The following TMEM88 variants were observed in gnomAD, a reference collection of about 807,000 sequenced individuals.
TMEM88 encodes the protein transmembrane protein 88.
A neutral mutation model predicts 10.0 loss-of-function variants in TMEM88; 8 were observed. The ratio of observed to expected loss-of-function variants is 0.80; its 90% CI spans 0.47 to 1.44. The LOEUF (loss-of-function observed/expected upper bound fraction) is 1.44, where lower values mean the gene tolerates loss of function less well. Among genes scored for constraint, TMEM88 ranks in the 40% most tolerant of loss-of-function variants. TMEM88 has a pLI of 0.00. For missense variants in TMEM88, 255 were observed against 217.8 expected, an observed-to-expected ratio of 1.17 and a Z score of -1.07; for synonymous variants, 139 against 104.9, an observed-to-expected ratio of 1.33 and a Z score of -1.99.
intron 1 of TMEM88, 27 bp from the exon 2 acceptor site, chr17:7,855,418 T>G (rs751978653): frequency 1.3e-6 from 2 of 1,599,382 alleles, no homozygotes; most frequent in South Asian, 2.2e-5. Context: ...CCTGGTCGGC[T>G]TGGGCCTGAC....
chr17:7,855,162 C>T lies in TMEM88; in HGVS notation c.88C>T (p.Leu30Phe). The part of the protein sequence containing the change: ...DPLDCWACAV[L>F]VTAQNLLVAA... ...CCTGGACTGTTGGGCCTGCGCTGTTCTTGTAACAGCCCAGAATCTGCTGGT... is the reference window on the plus strand; with the variant it reads ...CCTGGACTGTTGGGCCTGCGCTGTTTTTGTAACAGCCCAGAATCTGCTGGT... Residue 30 changes from leucine to phenylalanine, a missense_variant, in exon 1 of 2, where the codon CTT becomes TTT. Physicochemically the swap from Leu to Phe is conservative, Grantham distance 22 (BLOSUM62 0). Coordinates refer to ENST00000301599, the MANE Select transcript of TMEM88 (RefSeq NM_203411.2). The T allele has an allele frequency of 6.2e-7, 1 of 1,611,932 alleles. No homozygotes were observed. The highest frequency in any genetic ancestry group is 8.5e-7 in the Non-Finnish European group (1 of 1,179,486).
rs547882263 is a variant in TMEM88, at chr17:7,856,046, C to T, written c.*332C>T. On this transcript the variant is annotated 3_prime_UTR_variant, in exon 2 of 2. Transcript: ENST00000301599. ...CTCTAGTATTTCTGGGGCTGGGGGGCGGGGCTGGAGGGGAAGGAGTGTCCA... is the reference window on the plus strand; with the variant it reads ...CTCTAGTATTTCTGGGGCTGGGGGGTGGGGCTGGAGGGGAAGGAGTGTCCA... The T allele has an allele frequency of 2.8e-4, 253 of 917,176 alleles. No homozygotes were observed. In the African/African-American group the frequency reaches 3.9e-3, roughly 14 times the overall value. 56.8% of individuals were successfully genotyped at this position (917,176 alleles called of 1,614,324 possible).
In TMEM88 at chr17:7,855,096, C is replaced by T. The variant is rs1257209787; in HGVS notation, c.22C>T (p.Gln8Ter). Reference sequence around the variant, plus strand: ...GGCCATGGCGGATGTCCCCGGGGCACAGCGAGCGGTTCCTGGTGACGGCCC... The same window carrying T: ...GGCCATGGCGGATGTCCCCGGGGCATAGCGAGCGGTTCCTGGTGACGGCCC... MADVPGA[Q>*]RAVPGDGPEP... Residue 8 changes from glutamine (Q) to a stop codon, truncating the protein, a stop_gained, in exon 1 of 2, where the codon CAG becomes TAG. Transcript: ENST00000301599. LOFTEE classifies it high-confidence loss of function. 6.9e-6 allele frequency: 11 copies of T among 1,604,444 alleles called. No homozygotes were observed. Among genetic ancestry groups the T allele is most frequent in the Non-Finnish European group, 9.3e-6 (11 of 1,179,576 alleles).
Position 7,855,194 on chromosome 17 carries a change from C to T in TMEM88, c.120C>T (p.Ala40=). The part of the protein sequence containing the change: ...LVTAQNLLVA[A]FNLLLLVLVL... ...CAGCCCAGAATCTGCTGGTGGCTGC[C>T]TTCAATCTTCTCCTGCTGGTGCTGG... Residue 40 remains alanine, a synonymous_variant, in exon 1 of 2, where the codon GCC becomes GCT. Coordinates refer to ENST00000301599, the MANE Select transcript of TMEM88 (RefSeq NM_203411.2). 1.2e-6 allele frequency: 2 copies of T among 1,610,224 alleles called. No individual in the cohort carries two copies. The highest frequency in any genetic ancestry group is 1.7e-6 in the Non-Finnish European group (2 of 1,178,700).
chr17:7,855,895 A>G lies in TMEM88; in HGVS notation c.*181A>G. ...CTGAGAAAAGCCCCCACATCCCGGA[A>G]AACCCACTTTCCTTTCACGACCCAC... is the stretch of plus-strand genomic sequence containing the variant. On this transcript the variant is annotated 3_prime_UTR_variant, in exon 2 of 2. Coordinates refer to ENST00000301599, the MANE Select transcript of TMEM88 (RefSeq NM_203411.2). 7.2e-7 allele frequency: 1 copy of G among 1,389,738 alleles called. No individual in the cohort carries two copies. The highest frequency in any genetic ancestry group is 9.3e-7 in the Non-Finnish European group (1 of 1,075,152). The allele number at this position is 1,389,738 out of a possible 1,614,324, so 86.1% of individuals were successfully genotyped here. A position where few individuals can be genotyped will look rare whatever the true frequency, so the allele number is the denominator to read the frequency against.
chr17:7,855,392 C>G, intron 1 of TMEM88, 53 bp from the exon 2 acceptor site: 1 of 1,593,582 alleles, frequency 6.3e-7, no homozygotes, highest in Non-Finnish European at 8.5e-7. Context: ...CTGTTTCCAC[C>G]CCGTGCACAG....
At chr17:7,855,401 A>C in intron 1 of TMEM88, 44 bp from the exon 2 acceptor site, 1 of 1,595,418 alleles carries the variant, frequency 6.3e-7, no homozygotes, top group Non-Finnish European at 8.5e-7. Context: ...CCCCGTGCAC[A>C]GTATCGCCTG....
At position 7,855,199 on chromosome 17, in the gene TMEM88, A is replaced by G. The variant is rs1358385520; in HGVS notation, c.125A>G (p.Asn42Ser). The G allele has an allele frequency of 5.6e-6, 9 of 1,609,952 alleles. No homozygotes were observed. The highest frequency in any genetic ancestry group is 1.1e-5 in the South Asian group (1 of 90,162). The change falls in exon 1 of 2, where the codon AAT (asparagine) becomes AGT (serine). Residue 42 changes from asparagine (N) to serine (S), a missense_variant. Physicochemically the swap from Asn to Ser is conservative, Grantham distance 46. Transcript: ENST00000301599. ...TAQNLLVAAF[N>S]LLLLVLVLGT... ...CAGAATCTGCTGGTGGCTGCCTTCA[A>G]TCTTCTCCTGCTGGTGCTGGTGCTA...
At position 7,855,740 on chromosome 17, in the gene TMEM88, G is replaced by A; in HGVS notation, c.*26G>A. 1.3e-6 allele frequency: 2 copies of A among 1,496,754 alleles called. No homozygotes were observed. The highest frequency in any genetic ancestry group is 1.8e-6 in the Non-Finnish European group (2 of 1,120,384). 92.7% of individuals were successfully genotyped at this position (1,496,754 alleles called of 1,614,324 possible). ...TGACCCTCGAGTCAAGAACAACCCT[G>A]ACGGCTGCCCTCCCTCTTATTCGGC... On this transcript the variant is annotated 3_prime_UTR_variant, in exon 2 of 2. Coordinates refer to ENST00000301599, the MANE Select transcript of TMEM88 (RefSeq NM_203411.2).
At position 7,855,486 on chromosome 17, in the gene TMEM88, G is replaced by C. The variant is rs371960795; in HGVS notation, c.252G>C (p.Arg84=). 3 of 1,607,596 alleles carry C rather than the reference G, an allele frequency of 1.9e-6. No homozygotes were observed. The highest frequency in any genetic ancestry group is 2.5e-6 in the Non-Finnish European group (3 of 1,179,926). The change falls in exon 2 of 2, where the codon CGG becomes CGC. Residue 84 remains arginine (R), a synonymous_variant. Transcript: ENST00000301599. ...SQAPPCTAHL[R]DPGFTALLVT... ...CACCCCCTTGCACCGCGCACCTGCGGGACCCCGGTTTCACGGCCCTACTGG... is the reference window on the plus strand; with the variant it reads ...CACCCCCTTGCACCGCGCACCTGCGCGACCCCGGTTTCACGGCCCTACTGG...
chr17:7,855,518 G>A lies in TMEM88; in HGVS notation c.284G>A (p.Gly95Glu). 6.2e-7 allele frequency: 1 copy of A among 1,608,976 alleles called. No individual in the cohort carries two copies. The highest frequency in any genetic ancestry group is 8.5e-7 in the Non-Finnish European group (1 of 1,179,938). Residue 95 changes from glycine (G) to glutamate (E), a missense_variant, in exon 2 of 2, where the codon GGA (glycine) becomes GAA (glutamate). Gly to Glu is a moderately conservative substitution (Grantham distance 98). Coordinates refer to ENST00000301599, the MANE Select transcript of TMEM88 (RefSeq NM_203411.2). ...DPGFTALLVT[G>E]FLLLVPLLVL... ...GGTTTCACGGCCCTACTGGTCACCGGATTCCTGCTCCTCGTGCCGCTGCTC... is the reference window on the plus strand; with the variant it reads ...GGTTTCACGGCCCTACTGGTCACCGAATTCCTGCTCCTCGTGCCGCTGCTC...
rs2151382096 is a variant in TMEM88 at position 7,855,585 on chromosome 17, C to A, written c.351C>A (p.Leu117=). ...GCTACCGCCGCCTCTGCCTGCGCCT[C>A]CGCCTAGCCGATTGCCTCGTGCCCT... is the stretch of plus-strand genomic sequence containing the variant. The part of the protein sequence containing the change: ...LASYRRLCLR[L]RLADCLVPYS... The change falls in exon 2 of 2, where the codon CTC becomes CTA. Residue 117 remains leucine (L), a synonymous_variant. Transcript: ENST00000301599. 1 of 1,608,252 alleles carries A rather than the reference C, an allele frequency of 6.2e-7. No individual in the cohort carries two copies. The highest frequency in any genetic ancestry group is 2.2e-5 in the East Asian group (1 of 44,876).
At position 7,855,703 on chromosome 17, in the gene TMEM88, G is replaced by A; in HGVS notation, c.469G>A (p.Val157Ile). 2 of 1,572,508 alleles carry A rather than the reference G, an allele frequency of 1.3e-6. No individual in the cohort carries two copies. The highest frequency in any genetic ancestry group is 1.7e-6 in the Non-Finnish European group (2 of 1,157,610). The change falls in exon 2 of 2, where the codon GTC (valine) becomes ATC (isoleucine). Residue 157 changes from valine to isoleucine, a missense_variant. Coordinates refer to ENST00000301599, the MANE Select transcript of TMEM88 (RefSeq NM_203411.2). ...GSQAVPTSGK[V>I]WV is the part of the protein sequence containing the mutation. ...CCAGGCCGTTCCCACATCAGGAAAGGTCTGGGTCTAATGACCCTCGAGTCA... is the reference window on the plus strand; with the variant it reads ...CCAGGCCGTTCCCACATCAGGAAAGATCTGGGTCTAATGACCCTCGAGTCA...
At position 7,855,359 on chromosome 17, in the gene TMEM88, GCCA is replaced by G. The variant is rs572778104; in HGVS notation, c.210+77_210+79del. 225 of 1,590,260 alleles carry G rather than the reference GCCA, an allele frequency of 1.4e-4. 1 individual carries two copies. In the African/African-American group the frequency reaches 2.8e-3, roughly 20 times the overall value. ...GTGATGCTGGCGGTGGGGTCTATGG[GCCA>G]CAACTTCAACCCGCCTGGGCTGTTT... On this transcript the variant is annotated intron_variant, in intron 1 of 1. Transcript: ENST00000301599.
chr17:7,855,829 C>CT lies in TMEM88; in HGVS notation c.*116dup. On this transcript the variant is annotated 3_prime_UTR_variant, in exon 2 of 2. Transcript: ENST00000301599. ...CCCCCACCCCTGCCTGAGCGGAGTCCTAGCATCCCCTTGGGAGCAGCAGCG... is the reference window on the plus strand; with the variant it reads ...CCCCCACCCCTGCCTGAGCGGAGTCCTTAGCATCCCCTTGGGAGCAGCAGCG... The CT allele has an allele frequency of 7.0e-7, 1 of 1,427,968 alleles. No homozygotes were observed. The highest frequency in any genetic ancestry group is 9.1e-7 in the Non-Finnish European group (1 of 1,093,466). 88.5% of individuals were successfully genotyped at this position (1,427,968 alleles called of 1,614,324 possible). A position where few individuals can be genotyped will look rare whatever the true frequency, so the allele number is the denominator to read the frequency against.
chr17:7,855,502 G>A lies in TMEM88; in HGVS notation c.268G>A (p.Ala90Thr), dbSNP rs757137627. The change falls in exon 2 of 2, where the codon GCC (alanine) becomes ACC (threonine). Residue 90 changes from alanine (A) to threonine (T), a missense_variant. Ala to Thr is a moderately conservative substitution (Grantham distance 58, BLOSUM62 0). Transcript: ENST00000301599. ...GCACCTGCGGGACCCCGGTTTCACGGCCCTACTGGTCACCGGATTCCTGCT... is the reference window on the plus strand; with the variant it reads ...GCACCTGCGGGACCCCGGTTTCACGACCCTACTGGTCACCGGATTCCTGCT... ...TAHLRDPGFT[A>T]LLVTGFLLLV... 1.2e-6 allele frequency: 2 copies of A among 1,608,558 alleles called. No homozygotes were observed. The highest frequency in any genetic ancestry group is 1.1e-5 in the South Asian group (1 of 91,068).
chr17:7,855,136 C>T lies in TMEM88; in HGVS notation c.62C>T (p.Pro21Leu). ...VPGDGPEPRDPLDCWACAVLV... is the reference protein window; with the variant it reads ...VPGDGPEPRDLLDCWACAVLV... ...GGTGACGGCCCAGAGCCCCGGGACC[C>T]CCTGGACTGTTGGGCCTGCGCTGTT... is the stretch of plus-strand genomic sequence containing the variant. Residue 21 changes from proline to leucine, a missense_variant, in exon 1 of 2, where the codon CCC becomes CTC. By Grantham distance (98) the Pro-to-Leu change is moderately conservative. Transcript: ENST00000301599. 1 of 1,611,220 alleles carries T rather than the reference C, an allele frequency of 6.2e-7. No individual in the cohort carries two copies. The highest frequency in any genetic ancestry group is 8.5e-7 in the Non-Finnish European group (1 of 1,179,690).
In TMEM88 at chr17:7,855,819, G is replaced by C. The variant is rs1181785507; in HGVS notation, c.*105G>C. 9.8e-6 allele frequency: 14 copies of C among 1,427,282 alleles called. No homozygotes were observed. In the Admixed American group the frequency reaches 1.7e-4, roughly 18 times the overall value. The allele number at this position is 1,427,282 out of a possible 1,614,324, so 88.4% of individuals were successfully genotyped here. ...ACCTGCCCTGCCCCCACCCCTGCCT[G>C]AGCGGAGTCCTAGCATCCCCTTGGG... On this transcript the variant is annotated 3_prime_UTR_variant, in exon 2 of 2. Coordinates refer to ENST00000301599, the MANE Select transcript of TMEM88 (RefSeq NM_203411.2).
At chr17:7,855,330 T>C (rs760853465) in intron 1 of TMEM88, 46 bp downstream of exon 1, 1 of 1,589,748 alleles carries the variant, frequency 6.3e-7, no homozygotes, top group Non-Finnish European at 8.5e-7. Context: ...AGTGTTGGTG[T>C]GTGGTGATGC....
Sources: gnomAD v4.1 joint callset for allele counts on GRCh38, gnomAD v4.1.1 for gene constraint, MANE v1.5 for transcripts, NCBI Gene and HGNC (gene_info 2026-07-23, HGNC 2026-07-21) for gene names.